Variants in PSD3 observed in about 807,000 individuals in gnomAD.
PSD3 encodes the protein pleckstrin and Sec7 domain containing 3, also known as PH and SEC7 domain-containing protein 3.
A neutral mutation model predicts 105.5 loss-of-function variants in PSD3; 49 were observed. That is an observed-to-expected ratio of 0.46 (90% CI 0.37 to 0.59). PSD3 has a LOEUF of 0.59. PSD3 is among the 20% of genes least tolerant of loss of function. The pLI, the probability that PSD3 is intolerant of heterozygous loss-of-function variation, is 0.00. For synonymous variants in PSD3, 557 were observed against 457.8 expected, an observed-to-expected ratio of 1.22 and a Z score of -2.77; for missense variants, 1,561 against 1,263.8, an observed-to-expected ratio of 1.24 and a Z score of -3.57.
At chr8:19,073,283 G>C (rs1829332777) in intron 1 of PSD3, among the ~76,000 whole-genome samples, 1 of 152,168 alleles carries the variant, frequency 6.6e-6, no homozygotes, top group Non-Finnish European at 1.5e-5. Flanking sequence ...GGGCACGGTG[G>C]CTCACACCTG....
At chr8:18,607,902 G>T (rs1252034042) in intron 11 of PSD3, among the ~76,000 whole-genome samples, 1 of 152,086 alleles carries the variant, frequency 6.6e-6, no homozygotes, top group Non-Finnish European at 1.5e-5. Context: ...AAGGAGAAGT[G>T]CCGAGCAAAA....
rs1799566942 is a variant in PSD3, at chr8:18,529,995, A to C, written c.*5748T>G. ...AGAGTTAATTAACAACAACAAAAAA[A>C]TGCCTCAAGTGTAACTACCAACACA... On this transcript the variant is annotated 3_prime_UTR_variant, in exon 16 of 16. Transcript: ENST00000327040. 2 of 152,430 alleles carry C rather than the reference A, an allele frequency of 1.3e-5. No individual in the cohort carries two copies. Among genetic ancestry groups the C allele is most frequent in the South Asian group, 4.1e-4 (2 of 4,838 alleles). 9.4% of individuals were successfully genotyped at this position (152,430 alleles called of 1,614,324 possible). A position where few individuals can be genotyped will look rare whatever the true frequency, so the allele number is the denominator to read the frequency against.
intron 12 of PSD3, among the ~76,000 whole-genome samples, chr8:18,598,955 A>G (rs1222587642): frequency 6.6e-6 from 1 of 152,150 alleles, no homozygotes; most frequent in Non-Finnish European, 1.5e-5. Context: ...ATTTAACATT[A>G]TTAAAATGTC....
At chr8:19,071,068 G>C (rs75702878) in intron 1 of PSD3, among the ~76,000 whole-genome samples, 2 of 150,806 alleles carry the variant, frequency 1.3e-5, no homozygotes, top group Non-Finnish European at 3.0e-5. Flanking sequence ...TTTTTTGGAA[G>C]GGGGTAGGGG....
At chr8:19,083,078 T>G (rs1313489440) in intron 1 of PSD3, among the ~76,000 whole-genome samples, 1 of 152,046 alleles carries the variant, frequency 6.6e-6, no homozygotes, top group African/African-American at 2.4e-5. Flanking sequence ...TGCTGTGAAT[T>G]TCATTCATTT....
intron 4 of PSD3, among the ~76,000 whole-genome samples, chr8:18,825,237 A>T (rs1165162636): frequency 6.6e-6 from 1 of 152,182 alleles, no homozygotes; most frequent in Non-Finnish European, 1.5e-5. Flanking sequence ...AGGCATCCTA[A>T]GTTCTAAACA....
intron 1 of PSD3, among the ~76,000 whole-genome samples, chr8:18,994,145 A>C (rs79365483): frequency 0.02 from 2,999 of 152,106 alleles, 126 homozygotes; most frequent in African/African-American, 0.069. Context: ...GAGTCATGAC[A>C]GGACCTATCT....
At chr8:18,799,200 G>T in intron 8 of PSD3, 95 bp downstream of exon 8, 1 of 1,103,634 alleles carries the variant, frequency 9.1e-7, no homozygotes, top group South Asian at 1.3e-5. Context: ...TGTAGAGAAT[G>T]GGAAACGGGG....
chr8:19,055,385 C>G (rs1443411439), intron 1 of PSD3, among the ~76,000 whole-genome samples: 1 of 151,090 alleles, frequency 6.6e-6, no homozygotes, highest in Non-Finnish European at 1.5e-5. Flanking sequence ...TCCCACGTAG[C>G]TGGGGTTACA....
chr8:18,612,333 G>C (rs78188009), intron 11 of PSD3, among the ~76,000 whole-genome samples: 1 of 151,638 alleles, frequency 6.6e-6, no homozygotes, highest in Non-Finnish European at 1.5e-5. Context: ...AATTTTTTTT[G>C]TAAGTCAATG....
At chr8:18,826,448 G>C (rs935150979) in intron 4 of PSD3, among the ~76,000 whole-genome samples, 3 of 152,106 alleles carry the variant, frequency 2.0e-5, no homozygotes, top group African/African-American at 7.2e-5. Context: ...AACTTGCCTA[G>C]TCCAACTTAC....
intron 12 of PSD3, among the ~76,000 whole-genome samples, chr8:18,579,426 C>A (rs1386582031): frequency 1.3e-5 from 2 of 152,142 alleles, no homozygotes; most frequent in South Asian, 2.1e-4. Context: ...AATTACTATC[C>A]ATTTTCTCAA....
At chr8:18,815,659 G>T (rs371359859) in intron 4 of PSD3, among the ~76,000 whole-genome samples, 52 of 152,224 alleles carry the variant, frequency 3.4e-4, no homozygotes, top group African/African-American at 1.3e-3. Flanking sequence ...TATAGCACAG[G>T]CGTTGCTGTG....
intron 14 of PSD3, among the ~76,000 whole-genome samples, chr8:18,567,788 C>G (rs1238202818): frequency 6.6e-6 from 1 of 152,082 alleles, no homozygotes; most frequent in Non-Finnish European, 1.5e-5. Context: ...ATGACTCCAC[C>G]AAAATGTTCT....
intron 13 of PSD3, among the ~76,000 whole-genome samples, chr8:18,574,134 T>TAC (rs1159129270): frequency 1.3e-5 from 2 of 152,120 alleles, no homozygotes; most frequent in African/African-American, 4.8e-5. Flanking sequence ...TTATCTACCA[T>TAC]ACACATAATC....
intron 1 of PSD3, among the ~76,000 whole-genome samples, chr8:19,060,952 G>A (rs1828876991): frequency 6.6e-6 from 1 of 152,122 alleles, no homozygotes; most frequent in South Asian, 2.1e-4. Context: ...AAGGCTCCTG[G>A]CTCCTACCTT....
At chr8:18,659,671 A>C (rs1460120251) in intron 9 of PSD3, among the ~76,000 whole-genome samples, 1 of 152,250 alleles carries the variant, frequency 6.6e-6, no homozygotes, top group African/African-American at 2.4e-5. Flanking sequence ...GTAATGTTCT[A>C]TTCTTAAAAG....
At chr8:19,061,046 T>G (rs1828880139) in intron 1 of PSD3, among the ~76,000 whole-genome samples, 1 of 152,192 alleles carries the variant, frequency 6.6e-6, no homozygotes, top group Admixed American at 6.5e-5. Flanking sequence ...TTCACAGCCT[T>G]GGCATGCTCC....
chr8:18,982,673 G>T (rs11777113), intron 1 of PSD3, among the ~76,000 whole-genome samples: 60,466 of 152,086 alleles, frequency 0.4, 13,800 homozygotes, highest in Non-Finnish European at 0.52. Flanking sequence ...CTAGGTGCAT[G>T]GCTGAAGAGC....
Sources: gnomAD v4.1 joint callset for allele counts (sites outside exome capture counted in the v4.1 genomes callset) on GRCh38, gnomAD v4.1.1 for gene constraint, MANE v1.5 for transcripts, NCBI Gene and HGNC (gene_info 2026-07-23, HGNC 2026-07-21) for gene names.